Variants in PFKFB3 observed in about 807,000 individuals in gnomAD.
The protein encoded by PFKFB3 is 6-phosphofructo-2-kinase/fructose-2,6-biphosphatase 3, also known as 6-phosphofructo-2-kinase/fructose-2,6-bisphosphatase 3.
Under a neutral mutation model 68.0 loss-of-function variants are expected in PFKFB3, and 33 were observed. The observed-to-expected ratio is 0.49, with a 90% CI of 0.37 to 0.65. The LOEUF is 0.65. PFKFB3 is among the 30% of genes least tolerant of loss of function. PFKFB3 has a pLI of 0.00. For missense variants in PFKFB3, 586 were observed against 712.2 expected (o/e 0.82, Z 2.02); for synonymous variants, 315 against 288.2 (o/e 1.09, Z -0.94).
At chr10:6,255,009 G>A (rs1215568429), downstream of PFKFB3, among the ~76,000 whole-genome samples, 1 of 151,362 alleles carries the variant, frequency 6.6e-6, no homozygotes, top group Non-Finnish European at 1.5e-5. Flanking sequence ...TAGAGACAGG[G>A]TTTTACCACA....
intron 12 of PFKFB3, 33 bp downstream of exon 12, chr10:6,224,053 C>G (rs1032718451): frequency 1.9e-6 from 3 of 1,613,494 alleles, no homozygotes; most frequent in Middle Eastern, 1.7e-4. Flanking sequence ...CCCTGTCCCC[C>G]TGAAGGTGGC....
At chr10:6,178,304 G>T (rs1273986495) in intron 1 of PFKFB3, among the ~76,000 whole-genome samples, 1 of 152,176 alleles carries the variant, frequency 6.6e-6, no homozygotes, top group Admixed American at 6.5e-5. Context: ...GGGCGCCCCT[G>T]CTGTGGGCCA....
At chr10:6,205,551 C>G (rs2131875438) in intron 1 of PFKFB3, among the ~76,000 whole-genome samples, 1 of 152,068 alleles carries the variant, frequency 6.6e-6, no homozygotes, top group East Asian at 1.9e-4. Context: ...CGCCGCCATG[C>G]CCAGCTAATT....
At chr10:6,252,512 C>T (rs1022426611) in intron 14 of PFKFB3, among the ~76,000 whole-genome samples, 2 of 152,046 alleles carry the variant, frequency 1.3e-5, no homozygotes, top group African/African-American at 4.8e-5. Context: ...ATGATAAGGA[C>T]AAACTTAGAA....
At chr10:6,293,039 G>A in the PFKFB3 span, 4 of 371,384 alleles carry the variant, frequency 1.1e-5, no homozygotes, top group Non-Finnish European at 2.1e-5. Context: ...GCAGAATACA[G>A]AAGTTGCCAA....
upstream of PFKFB3, among the ~76,000 whole-genome samples, chr10:6,199,482 C>CTTT (rs58813981): frequency 1.1e-3 from 160 of 141,604 alleles, 4 homozygotes; most frequent in African/African-American, 3.7e-3. Flanking sequence ...CAGGCACTTG[C>CTTT]TTTTTTTTTT....
At chr10:6,321,976 C>T in the PFKFB3 span, among the ~76,000 whole-genome samples, 1 of 151,274 alleles carries the variant, frequency 6.6e-6, no homozygotes, top group Non-Finnish European at 1.5e-5. Flanking sequence ...GCTCTTTCCA[C>T]CTCTATTCAT....
chr10:6,256,753 C>T (rs1004846088), downstream of PFKFB3, among the ~76,000 whole-genome samples: 3 of 152,166 alleles, frequency 2.0e-5, no homozygotes, highest in East Asian at 1.9e-4. Context: ...GATGGGAGGG[C>T]CTTTCAGACC....
chr10:6,200,343 A>G (rs1007042307), upstream of PFKFB3, among the ~76,000 whole-genome samples: 3 of 152,096 alleles, frequency 2.0e-5, no homozygotes, highest in Non-Finnish European at 4.4e-5. Flanking sequence ...TACCCAGGTT[A>G]GTAGGAGGGA....
intron 1 of PFKFB3, among the ~76,000 whole-genome samples, chr10:6,192,664 C>CGTGTGTGTGTGTGTGT (rs34129264): frequency 3.1e-5 from 4 of 128,878 alleles, no homozygotes; most frequent in African/African-American, 5.7e-5. Context: ...TCCCCTCACC[C>CGTGTGTGTGTGTGTGT]GTGTGTGTGT....
intron 1 of PFKFB3, among the ~76,000 whole-genome samples, chr10:6,153,576 G>T (rs1841666341): frequency 6.6e-6 from 1 of 152,084 alleles, no homozygotes; most frequent in Non-Finnish European, 1.5e-5. Flanking sequence ...GGGAGGGGCT[G>T]GGCGAGGTGG....
intron 14 of PFKFB3, among the ~76,000 whole-genome samples, chr10:6,232,113 G>A (rs1845785998): frequency 6.6e-6 from 1 of 152,218 alleles, no homozygotes; most frequent in Admixed American, 6.5e-5. Context: ...ACTCAGGACT[G>A]GAGAGAATAG....
the PFKFB3 span, among the ~76,000 whole-genome samples, chr10:6,299,320 G>A: frequency 6.6e-6 from 1 of 152,174 alleles, no homozygotes; most frequent in Admixed American, 6.5e-5. Context: ...TTCTTCCCCA[G>A]GCACCTACAG....
upstream of PFKFB3, among the ~76,000 whole-genome samples, chr10:6,200,659 C>CGGGGGGGGGGGG (rs57019530): frequency 5.8e-5 from 4 of 68,966 alleles, no homozygotes; most frequent in Admixed American, 1.3e-4. Context: ...ATGTAAGGAG[C>CGGGGGGGGGGGG]GGGGGGGGGG....
chr10:6,231,262 G>T, intron 14 of PFKFB3: 1 of 1,604,366 alleles, frequency 6.2e-7, no homozygotes, highest in Non-Finnish European at 8.5e-7. Context: ...CTGCTTGAAA[G>T]ACGAACTGTC....
At chr10:6,172,696 C>G (rs182379020) in intron 1 of PFKFB3, among the ~76,000 whole-genome samples, 1 of 152,168 alleles carries the variant, frequency 6.6e-6, no homozygotes, top group African/African-American at 2.4e-5. Flanking sequence ...GTGGCGCATA[C>G]CTGTGGTTCC....
At chr10:6,186,293 G>A (rs368612488) in intron 1 of PFKFB3, among the ~76,000 whole-genome samples, 1 of 152,164 alleles carries the variant, frequency 6.6e-6, no homozygotes, top group Non-Finnish European at 1.5e-5. Context: ...CTAATCACAC[G>A]ACCACATCCT....
At chr10:6,315,734 C>T in the PFKFB3 span, among the ~76,000 whole-genome samples, 1 of 152,248 alleles carries the variant, frequency 6.6e-6, no homozygotes, top group African/African-American at 2.4e-5. Flanking sequence ...GATCCTCCTG[C>T]CTTGGGCTCC....
intron 1 of PFKFB3, among the ~76,000 whole-genome samples, chr10:6,149,077 TC>T (rs1841492778): frequency 6.6e-6 from 1 of 152,054 alleles, no homozygotes; most frequent in Admixed American, 6.5e-5. Flanking sequence ...AGACCCTGTC[TC>T]TCTAAAGAGA....
Sources: allele counts gnomAD v4.1 joint callset (sites outside exome capture counted in the v4.1 genomes callset), GRCh38; gene constraint gnomAD v4.1.1; transcripts MANE v1.5; gene names NCBI Gene and HGNC (gene_info 2026-07-23, HGNC 2026-07-21).